PCSK1: variants seen among roughly 807,000 people sequenced by gnomAD.
PCSK1 encodes the protein proprotein convertase subtilisin/kexin type 1.
PCSK1 carries 56 observed loss-of-function variants against 90.6 expected under a neutral mutation model. The observed-to-expected ratio is 0.62, with a 90% CI of 0.50 to 0.77. PCSK1 has a LOEUF of 0.77. Ranked by LOEUF, PCSK1 falls within the 30% of genes least tolerant of loss-of-function variation. PCSK1 has a pLI of 0.00. For synonymous variants in PCSK1, 348 were observed against 342.4 expected (o/e 1.02, Z -0.18); for missense variants, 801 against 932.6 (o/e 0.86, Z 1.84).
intron 3 of PCSK1, 122 bp downstream of exon 3, chr5:96,425,698 C>A (rs1000235388): frequency 1.8e-5 from 12 of 685,498 alleles, no homozygotes; most frequent in East Asian, 5.4e-5. Context: ...AATCTCCAGA[C>A]AATATAGCTC....
intron 9 of PCSK1, among the ~76,000 whole-genome samples, chr5:96,407,601 A>G (rs557923479): frequency 1.3e-5 from 2 of 152,328 alleles, no homozygotes; most frequent in Non-Finnish European, 1.5e-5. Context: ...CTGAGTGTTT[A>G]TCCTGAGGAA....
intron 9 of PCSK1, among the ~76,000 whole-genome samples, chr5:96,405,507 A>T (rs1445727862): frequency 1.3e-5 from 2 of 152,140 alleles, no homozygotes; most frequent in African/African-American, 4.8e-5. Context: ...CTACATAGAA[A>T]AAAGAAGGAT....
At chr5:96,409,607 T>C (rs1033121329) in intron 8 of PCSK1, among the ~76,000 whole-genome samples, 1 of 152,230 alleles carries the variant, frequency 6.6e-6, no homozygotes, top group Non-Finnish European at 1.5e-5. Context: ...AGGAACAGTC[T>C]GTGAAATGGT....
intron 13 of PCSK1, among the ~76,000 whole-genome samples, chr5:96,393,705 T>A (rs1038404449): frequency 1.3e-5 from 2 of 152,240 alleles, no homozygotes; most frequent in Admixed American, 1.3e-4. Context: ...CTTGTCAGCC[T>A]GCTGTCATGG....
intron 5 of PCSK1, among the ~76,000 whole-genome samples, chr5:96,420,063 C>A (rs965210761): frequency 6.6e-6 from 1 of 152,126 alleles, no homozygotes; most frequent in African/African-American, 2.4e-5. Flanking sequence ...ACAGATTTCC[C>A]GTAGTCTTAA....
intron 2 of PCSK1, among the ~76,000 whole-genome samples, chr5:96,427,308 TC>T (rs1420886992): frequency 1.8e-4 from 28 of 152,358 alleles, no homozygotes; most frequent in East Asian, 1.5e-3. Flanking sequence ...TGTCATTAAC[TC>T]AGAATCATGT....
chr5:96,410,886 G>A lies in PCSK1; in HGVS notation c.983C>T (p.Thr328Ile). Residue 328 changes from threonine (T) to isoleucine (I), a missense_variant, in exon 8 of 14, where the codon ACC becomes ATC. By Grantham distance (89) the Thr-to-Ile change is moderately conservative (BLOSUM62 -1). Coordinates refer to ENST00000311106, the MANE Select transcript of PCSK1 (RefSeq NM_000439.5). The stretch of plus-strand genomic sequence containing the variant: ...CTGGGAGGCACTGCTGATGGAGATG[G>A]TGTAGATGCTGTCTGTGTAGCCATC... ...DCDGYTDSIY[T>I]ISISSASQQG... is the part of the protein sequence containing the mutation. The A allele has an allele frequency of 1.2e-6, 2 of 1,613,912 alleles. No homozygotes were observed. The highest frequency in any genetic ancestry group is 1.7e-6 in the Non-Finnish European group (2 of 1,179,814).
At position 96,416,212 on chromosome 5, in the gene PCSK1, A is replaced by G. The variant is rs78644082; in HGVS notation, c.621-91T>C. The G allele has an allele frequency of 5.4e-3, 4,779 of 883,080 alleles. 154 individuals carry two copies. In the African/African-American group the frequency reaches 0.07, roughly 13 times the overall value. The allele number at this position is 883,080 out of a possible 1,614,324, so 54.7% of individuals were successfully genotyped here. On this transcript the variant is annotated intron_variant, in intron 5 of 13. Transcript: ENST00000311106. ...GAATTAATGGGGCATAGGTATATTA[A>G]CTTTTTGTCGGCCTTGTTACTGTTT...
intron 9 of PCSK1, among the ~76,000 whole-genome samples, chr5:96,401,144 C>T (rs1760355932): frequency 7.1e-6 from 1 of 141,610 alleles, no homozygotes; most frequent in Non-Finnish European, 1.5e-5. Flanking sequence ...AGAATTAAGG[C>T]TTTTATAATT....
intron 5 of PCSK1, among the ~76,000 whole-genome samples, chr5:96,416,618 A>G (rs1202830098): frequency 6.6e-6 from 1 of 152,218 alleles, no homozygotes; most frequent in African/African-American, 2.4e-5. Context: ...ATATCCTAGA[A>G]CAAGTCCCCT....
intron 9 of PCSK1, among the ~76,000 whole-genome samples, chr5:96,400,524 T>C (rs575231399): frequency 6.6e-6 from 1 of 152,336 alleles, no homozygotes; most frequent in East Asian, 1.9e-4. Flanking sequence ...TTTTAAATGG[T>C]AACACTTTCT....
chr5:96,410,948 C>G lies in PCSK1; in HGVS notation c.921G>C (p.Ser307=). 6.2e-7 allele frequency: 1 copy of G among 1,613,914 alleles called. No homozygotes were observed. Among genetic ancestry groups the G allele is most frequent in the South Asian group, 1.1e-5 (1 of 91,058 alleles). ...TATCTCCCTGACGCCCCCCGTTTCC[C>G]GAAGCCCAGACGAAGATGGACCCCT... ...QGKGSIFVWA[S]GNGGRQGDNC... is the part of the protein sequence containing the mutation. Residue 307 remains serine (S), a synonymous_variant, in exon 8 of 14, where the codon TCG becomes TCC. Coordinates refer to ENST00000311106, the MANE Select transcript of PCSK1 (RefSeq NM_000439.5).
chr5:96,421,746 A>G, intron 5 of PCSK1, 134 bp downstream of exon 5: 1 of 705,132 alleles, frequency 1.4e-6, no homozygotes, highest in Non-Finnish European at 2.6e-6. Context: ...AAGCAACAAA[A>G]TATTGTGGTA....
chr5:96,408,310 A>G lies in PCSK1; in HGVS notation c.1109T>C (p.Leu370Pro), dbSNP rs997818968. 2 of 1,613,784 alleles carry G rather than the reference A, an allele frequency of 1.2e-6. No homozygotes were observed. The highest frequency in any genetic ancestry group is 3.3e-5 in the Admixed American group (2 of 60,030). Residue 370 changes from leucine to proline, a missense_variant, in exon 9 of 14, where the codon CTG becomes CCG. Physicochemically the swap from Leu to Pro is moderately conservative, Grantham distance 98 (BLOSUM62 -3). Coordinates refer to ENST00000311106, the MANE Select transcript of PCSK1 (RefSeq NM_000439.5). ...GTGCGTCTCCGTGCAGTCATTGTGC[A>G]GGTCAGCGCTCGTCTGGATGACGTC... ...YTDQRITSADLHNDCTETHTG... is the reference protein window; with the variant it reads ...YTDQRITSADPHNDCTETHTG...
intron 5 of PCSK1, among the ~76,000 whole-genome samples, chr5:96,419,272 G>A (rs978367872): frequency 6.8e-6 from 1 of 147,624 alleles, no homozygotes; most frequent in Admixed American, 6.8e-5. Flanking sequence ...TAAGTTAGAG[G>A]TATTAAATGA....
At chr5:96,401,204 A>C (rs1361750864) in intron 9 of PCSK1, among the ~76,000 whole-genome samples, 1 of 151,640 alleles carries the variant, frequency 6.6e-6, no homozygotes, top group Non-Finnish European at 1.5e-5. Context: ...GGGAGTTTAG[A>C]GTAGAAAGAA....
intron 9 of PCSK1, among the ~76,000 whole-genome samples, chr5:96,401,048 C>T (rs1370689332): frequency 5.8e-5 from 7 of 121,354 alleles, no homozygotes; most frequent in Middle Eastern, 8.1e-3. Context: ...GATTGTGCCA[C>T]TGCAATCCGG....
intron 4 of PCSK1, 36 bp from the exon 5 acceptor site, chr5:96,421,992 TTAAAAAAAA>T (rs1561374585): frequency 1.0e-5 from 4 of 388,364 alleles, no homozygotes; most frequent in Non-Finnish European, 1.7e-5. Flanking sequence ...TGTGGCAGCA[TTAAAAAAAA>T]AAAAAAAAAA....
At chr5:96,432,709 A>C (rs1206989500) in intron 1 of PCSK1, among the ~76,000 whole-genome samples, 154 bp downstream of exon 1, 1 of 152,016 alleles carries the variant, frequency 6.6e-6, no homozygotes, top group African/African-American at 2.4e-5. Context: ...CTCTCTCTCC[A>C]AGCGCGACAG....
Sources: allele counts gnomAD v4.1 joint callset (sites outside exome capture counted in the v4.1 genomes callset), GRCh38; gene constraint gnomAD v4.1.1; transcripts MANE v1.5; gene names NCBI Gene and HGNC (gene_info 2026-07-23, HGNC 2026-07-21).